UPF2: variants seen among roughly 807,000 people sequenced by gnomAD.
UPF2 encodes the protein UPF2 regulator of nonsense mediated mRNA decay.
In UPF2, 17 loss-of-function variants were observed where a neutral mutation model predicts 141.4. That is an observed-to-expected ratio of 0.12 (90% CI 0.08 to 0.18). The LOEUF (loss-of-function observed/expected upper bound fraction) is 0.18, where lower values mean the gene tolerates loss of function less well. Ranked by LOEUF, UPF2 falls within the 10% of genes least tolerant of loss-of-function variation. UPF2 has a pLI of 1.00. For missense variants in UPF2, 1,152 were observed against 1,515.9 expected (o/e 0.76, Z 3.99); for synonymous variants, 540 against 498.0 (o/e 1.08, Z -1.12).
At position 11,952,135 on chromosome 10, in the gene UPF2, G is replaced by T; in HGVS notation, c.2965C>A (p.Leu989Ile). 6.2e-7 allele frequency: 1 copy of T among 1,614,034 alleles called. No individual in the cohort carries two copies. The highest frequency in any genetic ancestry group is 2.2e-5 in the East Asian group (1 of 44,858). The change falls in exon 15 of 22, where the codon CTC becomes ATC. Residue 989 changes from leucine to isoleucine, a missense_variant. By Grantham distance (5) the Leu-to-Ile change is conservative. Around this residue, in one of 4 missense-constraint regions of UPF2, gnomAD observed 202 missense variants for 223.6 expected, o/e 0.90. Transcript: ENST00000357604. ...ATGGATTCTTCCAGAGAATTACAGA[G>T]TTTGATCTTTGGTCTTAGCAGTTCT... ...TLELLRPKIK[L>I]CNSLEESIRQ...
chr10:11,932,190 C>G (rs1187780878), intron 19 of UPF2, among the ~76,000 whole-genome samples: 1 of 151,922 alleles, frequency 6.6e-6, no homozygotes, highest in Non-Finnish European at 1.5e-5. Flanking sequence ...TCTTAATCAT[C>G]ATGAACTGGA....
In UPF2 at chr10:11,979,593, C is replaced by T. The variant is rs1833559428; in HGVS notation, c.1845-428G>A. Among the ~76,000 whole-genome samples, 1 of 152,100 alleles carries T rather than the reference C, an allele frequency of 6.6e-6. No individual in the cohort carries two copies. The highest frequency in any genetic ancestry group is 1.5e-5 in the Non-Finnish European group (1 of 68,024). On this transcript the variant is annotated intron_variant, in intron 8 of 21. Coordinates refer to ENST00000357604, the MANE Select transcript of UPF2 (RefSeq NM_015542.4). The surrounding 1 kb of genome is among the most constrained non-coding windows in gnomAD (Gnocchi z 6.2). ...TATCTCAGGGTAAGTTATTTGGAAA[C>T]CTCAAGGTCTAAAGTAAAAAGGTAA...
Position 12,014,736 on chromosome 10 carries a change from AT to A in UPF2, c.1146-553del, listed in dbSNP as rs1231168518. Among the ~76,000 whole-genome samples, 3 of 152,230 alleles carry A rather than the reference AT, an allele frequency of 2.0e-5. No individual in the cohort carries two copies. Among genetic ancestry groups the A allele is most frequent in the Non-Finnish European group, 4.4e-5 (3 of 68,040 alleles). ...ACAACTCAGTTTTCAAAACCAACAG[AT>A]TTTGAATAGGTTCAAAAGAAACAGA... is the stretch of plus-strand genomic sequence containing the variant. On this transcript the variant is annotated intron_variant, in intron 3 of 21. Transcript: ENST00000357604. The surrounding 1 kb of genome is among the most constrained non-coding windows in gnomAD (Gnocchi z 5.0).
rs753515138 is a variant in UPF2, at chr10:11,921,112, GGC to G, written c.*184_*185del. On this transcript the variant is annotated 3_prime_UTR_variant, in exon 22 of 22. Transcript: ENST00000357604. This position sits in a 1 kb window ranked among gnomAD's most constrained non-coding sequence, Gnocchi z 5.9. ...CTTTTCCGCCTTGTCTGGAAGCGTC[GGC>G]TTGTTCCGGTGTTGGCAGAGGCTGG... The G allele has an allele frequency of 2.4e-6, 2 of 828,134 alleles. No homozygotes were observed. Among genetic ancestry groups the G allele is most frequent in the Admixed American group, 3.4e-5 (2 of 58,852 alleles). 51.3% of individuals were successfully genotyped at this position (828,134 alleles called of 1,614,324 possible). A position where few individuals can be genotyped will look rare whatever the true frequency, so the allele number is the denominator to read the frequency against.
At chr10:12,037,717 G>T (rs1834657796) in intron 1 of UPF2, among the ~76,000 whole-genome samples, 1 of 151,842 alleles carries the variant, frequency 6.6e-6, no homozygotes, top group Non-Finnish European at 1.5e-5. Flanking sequence ...TTTATTAAAA[G>T]CAATAGTATC....
intron 9 of UPF2, among the ~76,000 whole-genome samples, chr10:11,968,441 T>C (rs1228388300): frequency 6.6e-6 from 1 of 152,194 alleles, no homozygotes; most frequent in African/African-American, 2.4e-5. Context: ...ATTAATACTA[T>C]AAGGAACACA....
At chr10:12,028,348 G>T (rs1221612891) in intron 3 of UPF2, among the ~76,000 whole-genome samples, 1 of 152,042 alleles carries the variant, frequency 6.6e-6, no homozygotes, top group Non-Finnish European at 1.5e-5. Context: ...GTGACATAAA[G>T]AACTTAAAAT....
Position 12,035,426 on chromosome 10 carries a change from T to C in UPF2, c.-3A>G, listed in dbSNP as rs758197792. ...GGCTTTTTACGCTCAGCTGGCATTA[T>C]GTGACCCAGGACAATCTGTAAGAGG... On this transcript the variant is annotated 5_prime_UTR_variant, in exon 2 of 22. Transcript: ENST00000357604. 2.6e-6 allele frequency: 4 copies of C among 1,567,800 alleles called. No individual in the cohort carries two copies. The highest frequency in any genetic ancestry group is 1.4e-5 in the African/African-American group (1 of 72,900).
At chr10:12,039,940 T>C (rs1834706260) in intron 1 of UPF2, among the ~76,000 whole-genome samples, 1 of 152,120 alleles carries the variant, frequency 6.6e-6, no homozygotes, top group Non-Finnish European at 1.5e-5. Flanking sequence ...ATTCTGAAGA[T>C]AAAATAACAT....
intron 3 of UPF2, among the ~76,000 whole-genome samples, chr10:12,015,361 T>C (rs1282952295): frequency 6.6e-6 from 1 of 152,200 alleles, no homozygotes; most frequent in East Asian, 1.9e-4. Context: ...ATGTCAAAAC[T>C]TTCCCATTTT....
At chr10:11,975,585 T>C (rs7082659) in intron 9 of UPF2, among the ~76,000 whole-genome samples, 131,707 of 151,564 alleles carry the variant, frequency 0.87, 57,348 homozygotes, top group East Asian at 1. Context: ...CTCAGCTCAC[T>C]GCAACCTCCA....
At chr10:11,960,700 T>C (rs908146933) in intron 11 of UPF2, among the ~76,000 whole-genome samples, 3 of 149,672 alleles carry the variant, frequency 2.0e-5, no homozygotes, top group Non-Finnish European at 3.0e-5. Flanking sequence ...AACCCAGGAG[T>C]TCAAGGCCGC....
chr10:12,026,841 C>G (rs113812184), intron 3 of UPF2, among the ~76,000 whole-genome samples: 3 of 151,804 alleles, frequency 2.0e-5, no homozygotes, highest in Admixed American at 2.0e-4. Context: ...TTAGTAGAGA[C>G]GGGGTTTCAC....
At chr10:11,989,651 C>G (rs771026582) in intron 8 of UPF2, among the ~76,000 whole-genome samples, 10 of 152,198 alleles carry the variant, frequency 6.6e-5, no homozygotes, top group Non-Finnish European at 4.4e-5. Flanking sequence ...TAGCAAGGGA[C>G]ACAATGTTAC....
At chr10:11,928,054 C>A (rs1414206392) in intron 21 of UPF2, among the ~76,000 whole-genome samples, 2 of 152,214 alleles carry the variant, frequency 1.3e-5, no homozygotes, top group African/African-American at 4.8e-5. Context: ...TCAGTAAGGG[C>A]AGCAGAAGCC....
At chr10:11,965,773 A>T (rs1053287304) in intron 10 of UPF2, among the ~76,000 whole-genome samples, 2 of 152,100 alleles carry the variant, frequency 1.3e-5, no homozygotes, top group East Asian at 1.9e-4. Flanking sequence ...TTAGTATTTT[A>T]AAAACTCTAA....
At chr10:11,975,560 G>A (rs1833492587) in intron 9 of UPF2, among the ~76,000 whole-genome samples, 1 of 152,148 alleles carries the variant, frequency 6.6e-6, no homozygotes, top group African/African-American at 2.4e-5. Context: ...CCAGGCTGGA[G>A]TGCAGTGGCG....
chr10:11,999,822 A>C, intron 7 of UPF2, 84 bp downstream of exon 7: 1 of 1,108,084 alleles, frequency 9.0e-7, no homozygotes, highest in South Asian at 1.3e-5. Flanking sequence ...TAGCTCAAAC[A>C]GTCTAAAAAC....
rs1270790094 is a variant in UPF2, at chr10:11,998,635, G to A, written c.1759-878C>T. 2.0e-5 allele frequency among the ~76,000 whole-genome samples: 3 copies of A among 151,952 alleles called. No homozygotes were observed. Among genetic ancestry groups the A allele is most frequent in the South Asian group, 2.1e-4 (1 of 4,816 alleles). On this transcript the variant is annotated intron_variant, in intron 7 of 21. Transcript: ENST00000357604. This position sits in a 1 kb window ranked among gnomAD's most constrained non-coding sequence, Gnocchi z 4.5. ...TGGGAGGCCGAGGTGGGTGGATCACGTGAGGTCAGGAGTTCAAGACCAGCC... is the reference window on the plus strand; with the variant it reads ...TGGGAGGCCGAGGTGGGTGGATCACATGAGGTCAGGAGTTCAAGACCAGCC...
Sources: gnomAD v4.1 joint callset for allele counts (sites outside exome capture counted in the v4.1 genomes callset) on GRCh38, gnomAD v4.1.1 for gene constraint, gnomAD v4.1.1 regional missense constraint, Gnocchi (gnomAD v3.1) non-coding constraint, MANE v1.5 for transcripts, NCBI Gene and HGNC (gene_info 2026-07-23, HGNC 2026-07-21) for gene names.